MYO5B: variants seen among roughly 807,000 people sequenced by gnomAD.
MYO5B encodes the protein unconventional myosin-Vb.
Under a neutral mutation model 229.3 loss-of-function variants are expected in MYO5B, and 143 were observed. That is an observed-to-expected ratio of 0.62 (90% CI 0.54 to 0.72). MYO5B has a LOEUF of 0.72. Ranked by LOEUF, MYO5B falls within the 30% of genes least tolerant of loss-of-function variation. The pLI, the probability that MYO5B is intolerant of heterozygous loss-of-function variation, is 0.00. For synonymous variants in MYO5B, 918 were observed against 885.2 expected, an observed-to-expected ratio of 1.04 and a Z score of -0.66; for missense variants, 2,321 against 2,331.0, an observed-to-expected ratio of 1.00 and a Z score of 0.09.
At chr18:49,880,246 C>G (rs1436704866) in intron 23 of MYO5B, 125 bp downstream of exon 23, 6 of 852,240 alleles carry the variant, frequency 7.0e-6, no homozygotes, top group Admixed American at 3.5e-5. Flanking sequence ...TCATCTTCTT[C>G]TATTAAAATC....
intron 21 of MYO5B, among the ~76,000 whole-genome samples, chr18:49,896,570 T>G (rs531380306): frequency 6.6e-6 from 1 of 152,062 alleles, no homozygotes; most frequent in East Asian, 1.9e-4. Context: ...CTGCTCTCTC[T>G]AGATGGCACA....
At chr18:49,842,919 C>T (rs1038463406) in intron 34 of MYO5B, among the ~76,000 whole-genome samples, 1 of 152,204 alleles carries the variant, frequency 6.6e-6, no homozygotes, top group Non-Finnish European at 1.5e-5. Flanking sequence ...TTGGCTGCAG[C>T]AGGATGTCTC....
chr18:50,141,662 G>A (rs972559977), intron 1 of MYO5B, among the ~76,000 whole-genome samples: 23 of 152,144 alleles, frequency 1.5e-4, no homozygotes, highest in African/African-American at 5.3e-4. Context: ...TATTTCTGGG[G>A]TTGCCAGCCC....
At chr18:49,984,190 G>T (rs1376040779) in intron 8 of MYO5B, among the ~76,000 whole-genome samples, 1 of 152,210 alleles carries the variant, frequency 6.6e-6, no homozygotes, top group African/African-American at 2.4e-5. Context: ...TGCCCCTGAA[G>T]GACAGAGAAC....
Position 49,904,778 on chromosome 18 carries a change from T to C in MYO5B, c.2465A>G (p.His822Arg), listed in dbSNP as rs2024880972. ...RIRAAVVLQK[H>R]YRMQRARQAY... ...CTGGCGGGCCCTCTGCATGCGGTAA[T>C]GTTTCTGGAGCACCACAGCCGCTCT... The change falls in exon 20 of 40, where the codon CAT (histidine) becomes CGT (arginine). Residue 822 changes from histidine (H) to arginine (R), a missense_variant. Physicochemically the swap from His to Arg is conservative, Grantham distance 29. This residue lies in a region of MYO5B where 2,113 missense variants were observed against 2,044.7 expected (regional missense o/e 1.03). Coordinates refer to ENST00000285039, the MANE Select transcript of MYO5B (RefSeq NM_001080467.3). The C allele has an allele frequency of 8.1e-6, 13 of 1,613,908 alleles. No individual in the cohort carries two copies. Among genetic ancestry groups the C allele is most frequent in the Admixed American group, 1.7e-5 (1 of 60,006 alleles).
Position 49,856,860 on chromosome 18 carries a change from T to C in MYO5B, c.3975A>G (p.Glu1325=). ...SKTEDWGYLN[E]DGELGLAYQG... ...GGTAGGCCAAGCCGAGTTCTCCATC[T>C]TCATTTAAATATCCCCAATCCTCAG... Residue 1325 remains glutamate (E), a synonymous_variant, in exon 30 of 40, where the codon GAA becomes GAG. Coordinates refer to ENST00000285039, the MANE Select transcript of MYO5B (RefSeq NM_001080467.3). 6.2e-7 allele frequency: 1 copy of C among 1,614,196 alleles called. No homozygotes were observed. The highest frequency in any genetic ancestry group is 8.5e-7 in the Non-Finnish European group (1 of 1,179,988).
Position 50,047,807 on chromosome 18 carries a change from G to A in MYO5B, c.138+7461C>T, listed in dbSNP as rs576279348. Among the ~76,000 whole-genome samples, 19 of 152,052 alleles carry A rather than the reference G, an allele frequency of 1.2e-4. No homozygotes were observed. The South Asian group carries it at 3.7e-3, about 30-fold the overall frequency. On this transcript the variant is annotated intron_variant, in intron 2 of 39. Transcript: ENST00000285039. ...CTTTGTAGGGACATGGATGAAGCTG[G>A]AAACCATCATTCTCAGCAAACTATC... is the stretch of plus-strand genomic sequence containing the variant.
At position 50,145,380 on chromosome 18, in the gene MYO5B, G is replaced by A. The variant is rs367598797; in HGVS notation, c.27+49387C>T. On this transcript the variant is annotated intron_variant, in intron 1 of 39. Coordinates refer to ENST00000285039, the MANE Select transcript of MYO5B (RefSeq NM_001080467.3). The stretch of plus-strand genomic sequence containing the variant: ...TGGGCACCAATAGTCCCAGCTACTC[G>A]GGAGGCTGAGGCAGGAGAATGGCGT... 1.8e-4 allele frequency among the ~76,000 whole-genome samples: 27 copies of A among 151,524 alleles called. No homozygotes were observed. In the East Asian group the frequency reaches 2.1e-3, roughly 12 times the overall value.
At chr18:50,056,852 C>T (rs2144420433) in intron 1 of MYO5B, among the ~76,000 whole-genome samples, 1 of 151,948 alleles carries the variant, frequency 6.6e-6, no homozygotes. Context: ...ATCAGAATAC[C>T]AGTCAATGAG....
intron 14 of MYO5B, among the ~76,000 whole-genome samples, chr18:49,941,260 G>T (rs1342105143): frequency 6.6e-6 from 1 of 152,116 alleles, no homozygotes; most frequent in Non-Finnish European, 1.5e-5. Context: ...TAGTTCCCTG[G>T]CCTGGGTTCT....
At chr18:50,185,301 A>G (rs56112297) in intron 1 of MYO5B, among the ~76,000 whole-genome samples, 5,140 of 151,522 alleles carry the variant, frequency 0.034, 124 homozygotes, top group Non-Finnish European at 0.054. Flanking sequence ...AAAAAAAAAA[A>G]AGAGAGAGAG....
At chr18:50,144,608 A>G (rs1264455119) in intron 1 of MYO5B, among the ~76,000 whole-genome samples, 1 of 152,118 alleles carries the variant, frequency 6.6e-6, no homozygotes, top group African/African-American at 2.4e-5. Context: ...CCTGGAAATA[A>G]CCCCCAAAAG....
intron 1 of MYO5B, among the ~76,000 whole-genome samples, chr18:50,139,275 A>T (rs750767113): frequency 6.6e-5 from 10 of 152,210 alleles, no homozygotes; most frequent in Admixed American, 2.6e-4. Context: ...CTGAGCATTA[A>T]GGTGACTCAG....
intron 22 of MYO5B, among the ~76,000 whole-genome samples, chr18:49,885,022 G>A (rs1240654781): frequency 6.6e-6 from 1 of 152,158 alleles, no homozygotes; most frequent in Non-Finnish European, 1.5e-5. Context: ...ACCCTCATAT[G>A]CTGCTGGTGG....
intron 22 of MYO5B, among the ~76,000 whole-genome samples, chr18:49,883,856 T>C (rs572148986): frequency 2.6e-5 from 4 of 152,142 alleles, no homozygotes; most frequent in Non-Finnish European, 5.9e-5. Flanking sequence ...AACAATTCAA[T>C]GAGGAAAAGA....
At chr18:50,012,228 G>A (rs1321439736) in intron 4 of MYO5B, among the ~76,000 whole-genome samples, 1 of 152,172 alleles carries the variant, frequency 6.6e-6, no homozygotes, top group Non-Finnish European at 1.5e-5. Flanking sequence ...CACTGCTACA[G>A]ACTCAGCTTA....
chr18:50,050,947 T>C (rs73959848), intron 2 of MYO5B, among the ~76,000 whole-genome samples: 26,007 of 152,226 alleles, frequency 0.17, 2,287 homozygotes, highest in South Asian at 0.23. Context: ...CTTGTCGTGG[T>C]TCCAGGGGTA....
At chr18:49,995,450 A>G (rs7228713) in intron 5 of MYO5B, among the ~76,000 whole-genome samples, 27,674 of 151,024 alleles carry the variant, frequency 0.18, 2,654 homozygotes, top group East Asian at 0.25. Context: ...TTGTAGAGAC[A>G]GGGTTTCACC....
At chr18:49,840,555 G>C (rs2144036784) in intron 35 of MYO5B, 1 of 152,398 alleles carries the variant, frequency 6.6e-6, no homozygotes, top group Non-Finnish European at 1.5e-5. Flanking sequence ...ACTATGTCTT[G>C]ACCTTGGGAA....
Sources: gnomAD v4.1 joint callset for allele counts (sites outside exome capture counted in the v4.1 genomes callset) on GRCh38, gnomAD v4.1.1 for gene constraint, gnomAD v4.1.1 regional missense constraint, MANE v1.5 for transcripts, NCBI Gene and HGNC (gene_info 2026-07-23, HGNC 2026-07-21) for gene names.